FAM171A1: variants seen among roughly 807,000 people sequenced by gnomAD.
FAM171A1 encodes family with sequence similarity 171 member A1, also known as protein FAM171A1.
Under a neutral mutation model 74.9 loss-of-function variants are expected in FAM171A1, and 23 were observed. That is an observed-to-expected ratio of 0.31 (90% CI 0.22 to 0.44). The LOEUF (loss-of-function observed/expected upper bound fraction) is 0.44. Among genes scored for constraint, FAM171A1 ranks in the 20% least tolerant of loss-of-function variants. FAM171A1 has a pLI of 1.00. For synonymous variants in FAM171A1, 527 were observed against 505.7 expected, an observed-to-expected ratio of 1.04 and a Z score of -0.57; for missense variants, 1,162 against 1,159.2, an observed-to-expected ratio of 1.00 and a Z score of -0.03.
chr10:15,330,865 G>A (rs891448700), intron 1 of FAM171A1, among the ~76,000 whole-genome samples: 2 of 150,954 alleles, frequency 1.3e-5, no homozygotes, highest in Non-Finnish European at 3.0e-5. Context: ...TTAAAGTCAT[G>A]TGCCACCACA....
chr10:15,273,305 A>G (rs1564629696), intron 3 of FAM171A1, among the ~76,000 whole-genome samples: 1 of 152,262 alleles, frequency 6.6e-6, no homozygotes. Flanking sequence ...AAACGGATAA[A>G]TTCCTGGACA....
intron 5 of FAM171A1, among the ~76,000 whole-genome samples, chr10:15,229,809 A>AGGCGTTT (rs1376585141): frequency 2.3e-4 from 2 of 8,588 alleles, no homozygotes; most frequent in Non-Finnish European, 2.3e-4. Context: ...CATCACCATC[A>AGGCGTTT]CCACCACCAT....
chr10:15,286,698 T>G (rs1170940279), intron 1 of FAM171A1, among the ~76,000 whole-genome samples: 1 of 152,220 alleles, frequency 6.6e-6, no homozygotes, highest in African/African-American at 2.4e-5. Context: ...AGCTGTCTCA[T>G]GATACTAAAG....
chr10:15,224,494 C>T (rs1473048767), intron 5 of FAM171A1, among the ~76,000 whole-genome samples: 1 of 152,114 alleles, frequency 6.6e-6, no homozygotes, highest in Non-Finnish European at 1.5e-5. Flanking sequence ...TAGGGTTTGG[C>T]TATGTCCCCA....
intron 1 of FAM171A1, among the ~76,000 whole-genome samples, chr10:15,351,635 G>GCATGGATA: frequency 6.6e-6 from 1 of 151,738 alleles, no homozygotes; most frequent in Non-Finnish European, 1.5e-5. Context: ...ATGGATAGAT[G>GCATGGATA]GATGCATGGA....
chr10:15,298,101 C>T (rs1288173608), intron 1 of FAM171A1, among the ~76,000 whole-genome samples: 3 of 152,080 alleles, frequency 2.0e-5, no homozygotes, highest in Non-Finnish European at 2.9e-5. Flanking sequence ...ATACATTTGA[C>T]AGCAAAACTC....
intron 1 of FAM171A1, among the ~76,000 whole-genome samples, chr10:15,317,201 T>C (rs1297925531): frequency 6.6e-6 from 1 of 151,892 alleles, no homozygotes; most frequent in Admixed American, 6.6e-5. Flanking sequence ...GTGCAGACAC[T>C]GAGGAAAGGC....
chr10:15,216,200 CTCT>C (rs1171364083), intron 6 of FAM171A1, 90 bp from the exon 7 acceptor site: 2 of 780,508 alleles, frequency 2.6e-6, no homozygotes, highest in East Asian at 5.7e-5. Context: ...CTTGTGCTTA[CTCT>C]TCTTAGCTGG....
chr10:15,215,094 C>A (rs980897882), intron 7 of FAM171A1, among the ~76,000 whole-genome samples: 5 of 152,076 alleles, frequency 3.3e-5, no homozygotes, highest in African/African-American at 1.2e-4. Context: ...CGAGAGATTT[C>A]ATCTTTTACT....
intron 3 of FAM171A1, among the ~76,000 whole-genome samples, chr10:15,265,387 G>A (rs1564627184): frequency 6.6e-6 from 1 of 151,708 alleles, no homozygotes; most frequent in Non-Finnish European, 1.5e-5. Flanking sequence ...TCCAGGGTAG[G>A]AGGATCTTTG....
At chr10:15,302,854 G>A (rs1476610533) in intron 1 of FAM171A1, among the ~76,000 whole-genome samples, 4 of 152,188 alleles carry the variant, frequency 2.6e-5, no homozygotes. Context: ...GGAACAGCAT[G>A]GTAAACTATG....
rs767442816 is a variant in FAM171A1 at position 15,275,880 on chromosome 10, G to A, written c.393C>T (p.Val131=). ...CTTGGAATCCTGATACTATTTGGAC[G>A]ACATCTTCATATACCATTAGAGTGG... ...RSATLMVYED[V]VQIVSGFQGA... Residue 131 remains valine (V), a synonymous_variant, in exon 3 of 8, where the codon GTC becomes GTT. Coordinates refer to ENST00000378116, the MANE Select transcript of FAM171A1 (RefSeq NM_001010924.2). 104 of 1,610,492 alleles carry A rather than the reference G, an allele frequency of 6.5e-5. 1 individual carries two copies. In the South Asian group the frequency reaches 1.1e-3, roughly 17 times the overall value.
chr10:15,346,130 T>G (rs6602844), intron 1 of FAM171A1, among the ~76,000 whole-genome samples: 67,254 of 151,884 alleles, frequency 0.44, 15,373 homozygotes, highest in East Asian at 0.79. Flanking sequence ...AGAGACAGGG[T>G]TGTCTTGTCA....
chr10:15,277,770 T>C (rs751583135), intron 2 of FAM171A1, among the ~76,000 whole-genome samples: 1 of 151,826 alleles, frequency 6.6e-6, no homozygotes, highest in Non-Finnish European at 1.5e-5. Context: ...GGCTCTTTTT[T>C]TTTGAGATGC....
chr10:15,336,084 T>C (rs1004350906), intron 1 of FAM171A1, among the ~76,000 whole-genome samples: 3 of 152,150 alleles, frequency 2.0e-5, no homozygotes, highest in African/African-American at 7.2e-5. Context: ...AATGTTTGAT[T>C]TATACACAAG....
intron 1 of FAM171A1, among the ~76,000 whole-genome samples, chr10:15,327,437 C>G (rs1835569190): frequency 6.6e-6 from 1 of 152,092 alleles, no homozygotes; most frequent in Admixed American, 6.6e-5. Context: ...ATCGCTTGAG[C>G]CCAGTAGTTC....
chr10:15,346,999 G>A (rs776822368), intron 1 of FAM171A1, among the ~76,000 whole-genome samples: 2 of 152,144 alleles, frequency 1.3e-5, no homozygotes, highest in African/African-American at 2.4e-5. Context: ...CAAAAAACAC[G>A]GCTTTTTGCT....
At chr10:15,226,238 TG>T (rs1439232780) in intron 5 of FAM171A1, among the ~76,000 whole-genome samples, 5 of 152,112 alleles carry the variant, frequency 3.3e-5, no homozygotes, top group Admixed American at 6.5e-5. Context: ...TTTTAGGAGG[TG>T]GCTGGACAAT....
intron 3 of FAM171A1, among the ~76,000 whole-genome samples, chr10:15,262,331 C>A (rs1834668589): frequency 6.6e-6 from 1 of 152,186 alleles, no homozygotes; most frequent in Non-Finnish European, 1.5e-5. Context: ...CAAATAAAGA[C>A]AGCAGCTCTG....
Sources: allele counts gnomAD v4.1 joint callset (sites outside exome capture counted in the v4.1 genomes callset), GRCh38; gene constraint gnomAD v4.1.1; transcripts MANE v1.5; gene names NCBI Gene and HGNC (gene_info 2026-07-23, HGNC 2026-07-21).